The following NRXN1 variants were observed in gnomAD, a reference collection of about 807,000 sequenced individuals.
NRXN1 encodes the protein neurexin-1.
In NRXN1, 39 loss-of-function variants were observed where a neutral mutation model predicts 150.9. The observed-to-expected ratio is 0.26, with a 90% CI of 0.20 to 0.34. The LOEUF is 0.34. NRXN1 is among the 10% of genes least tolerant of loss of function. The probability of loss-of-function intolerance (pLI) is 1.00; values close to 1 mark genes in which losing one functional copy is unlikely to be tolerated. For synonymous variants in NRXN1, 924 were observed against 757.0 expected (o/e 1.22, Z -3.62); for missense variants, 1,815 against 1,949.9 (o/e 0.93, Z 1.30).
At chr2:50,262,342 C>G (rs562724868) in intron 17 of NRXN1, among the ~76,000 whole-genome samples, 228 of 151,876 alleles carry the variant, frequency 1.5e-3, no homozygotes, top group African/African-American at 5.3e-3. Context: ...ATCATATACC[C>G]TACATGGCTG....
intron 8 of NRXN1, among the ~76,000 whole-genome samples, chr2:50,574,539 T>C (rs774327638): frequency 2.0e-5 from 3 of 152,068 alleles, no homozygotes; most frequent in Admixed American, 6.6e-5. Flanking sequence ...GATGCATACA[T>C]AGAGGAAGTA....
intron 9 of NRXN1, among the ~76,000 whole-genome samples, chr2:50,540,438 A>T (rs1281194486): frequency 6.6e-6 from 1 of 152,176 alleles, no homozygotes; most frequent in East Asian, 1.9e-4. Context: ...TTTCAAATGG[A>T]ACGATCATTA....
chr2:50,265,612 A>T (rs2152917720), intron 17 of NRXN1, among the ~76,000 whole-genome samples: 1 of 152,320 alleles, frequency 6.6e-6, no homozygotes, highest in East Asian at 1.9e-4. Flanking sequence ...ATAGCAACGA[A>T]CAAAGAAGAA....
chr2:50,214,764 C>T (rs1022997889), intron 18 of NRXN1, among the ~76,000 whole-genome samples: 1 of 151,892 alleles, frequency 6.6e-6, no homozygotes, highest in African/African-American at 2.4e-5. Flanking sequence ...AAACTGCTTT[C>T]TTGTATGATT....
At chr2:50,440,677 G>C (rs1366569452) in intron 17 of NRXN1, among the ~76,000 whole-genome samples, 2 of 152,082 alleles carry the variant, frequency 1.3e-5, no homozygotes, top group East Asian at 3.9e-4. Context: ...TTGCATTGCT[G>C]CCTCTCTTTC....
chr2:50,659,680 C>A lies in NRXN1; in HGVS notation c.833-36065G>T, dbSNP rs1687010419. Among the ~76,000 whole-genome samples, 3 of 150,840 alleles carry A rather than the reference C, an allele frequency of 2.0e-5. No individual in the cohort carries two copies. In the South Asian group the frequency reaches 6.2e-4, roughly 31 times the overall value. On this transcript the variant is annotated intron_variant, in intron 5 of 22. Coordinates refer to ENST00000401669, the MANE Select transcript of NRXN1 (RefSeq NM_001330078.2). ...TTGAATATTCATTTATATTTTTCTG[C>A]AAAAATTAGTTGTTCATTCTTTAAT... is the stretch of plus-strand genomic sequence containing the variant.
intron 8 of NRXN1, among the ~76,000 whole-genome samples, chr2:50,574,232 C>T (rs1671070272): frequency 6.6e-6 from 1 of 152,022 alleles, no homozygotes; most frequent in African/African-American, 2.4e-5. Context: ...CCCCAAATGC[C>T]ATCTAACCAA....
rs140823037 is a variant in NRXN1 at position 50,240,445 on chromosome 2, T to G, written c.3365-3475A>C. Reference sequence around the variant, plus strand: ...CTGGATTTTTTTTAAAAAATTAACTTTGCATCAAACTTTACAAAATCTCCT... The same window carrying G: ...CTGGATTTTTTTTAAAAAATTAACTGTGCATCAAACTTTACAAAATCTCCT... On this transcript the variant is annotated intron_variant, in intron 17 of 22. Coordinates refer to ENST00000401669, the MANE Select transcript of NRXN1 (RefSeq NM_001330078.2). 2.6e-3 allele frequency among the ~76,000 whole-genome samples: 393 copies of G among 151,846 alleles called. 1 individual carries two copies. The highest frequency in any genetic ancestry group is 9.3e-3 in the African/African-American group (386 of 41,538).
At chr2:50,727,867 A>C (rs1697584173) in intron 5 of NRXN1, among the ~76,000 whole-genome samples, 1 of 152,110 alleles carries the variant, frequency 6.6e-6, no homozygotes. Flanking sequence ...AGTTGGGCTG[A>C]AATCCTCATC....
At chr2:50,212,381 T>G (rs2152845345) in intron 18 of NRXN1, among the ~76,000 whole-genome samples, 1 of 151,584 alleles carries the variant, frequency 6.6e-6, no homozygotes, top group South Asian at 2.1e-4. Flanking sequence ...TAAGTTAGCA[T>G]TCCCTCTTCA....
At chr2:50,106,055 C>T (rs140596125) in intron 18 of NRXN1, among the ~76,000 whole-genome samples, 1 of 151,874 alleles carries the variant, frequency 6.6e-6, no homozygotes, top group East Asian at 1.9e-4. Context: ...GTTTCTCTAC[C>T]ATTTAACCCC....
In NRXN1 at chr2:51,027,483, G is replaced by T; in HGVS notation, c.772+19C>A. The T allele has an allele frequency of 6.7e-7, 1 of 1,497,184 alleles. No individual in the cohort carries two copies. Among genetic ancestry groups the T allele is most frequent in the Non-Finnish European group, 8.9e-7 (1 of 1,127,164 alleles). 92.7% of individuals were successfully genotyped at this position (1,497,184 alleles called of 1,614,324 possible). A position where few individuals can be genotyped will look rare whatever the true frequency, so the allele number is the denominator to read the frequency against. On this transcript the variant is annotated intron_variant, in intron 2 of 22. Transcript: ENST00000401669. ...CCCGCCCAGGCCCCGGCCCCCGTGG[G>T]TCGGGCGTCGGGCCTTACCTTGGCT...
intron 17 of NRXN1, among the ~76,000 whole-genome samples, chr2:50,304,133 A>G (rs886291948): frequency 2.0e-5 from 3 of 152,172 alleles, no homozygotes; most frequent in Non-Finnish European, 4.4e-5. Flanking sequence ...GGCTAGTTAC[A>G]CTCATCATAA....
intron 18 of NRXN1, among the ~76,000 whole-genome samples, chr2:50,100,685 T>C (rs1009129121): frequency 6.6e-6 from 1 of 152,050 alleles, no homozygotes; most frequent in Non-Finnish European, 1.5e-5. Flanking sequence ...TTTGCAGATA[T>C]CACGATAGCT....
intron 17 of NRXN1, among the ~76,000 whole-genome samples, chr2:50,348,419 AT>A (rs2078198966): frequency 6.6e-6 from 1 of 152,176 alleles, no homozygotes; most frequent in Non-Finnish European, 1.5e-5. Flanking sequence ...AATGGCATGA[AT>A]AAAATTGCTT....
At chr2:50,343,628 A>T (rs1343343471) in intron 17 of NRXN1, among the ~76,000 whole-genome samples, 1 of 152,198 alleles carries the variant, frequency 6.6e-6, no homozygotes, top group East Asian at 1.9e-4. Flanking sequence ...TTGCACAAAG[A>T]TACTCGGGTA....
At chr2:50,135,911 T>C (rs1242239333) in intron 18 of NRXN1, among the ~76,000 whole-genome samples, 1 of 152,178 alleles carries the variant, frequency 6.6e-6, no homozygotes, top group Non-Finnish European at 1.5e-5. Context: ...ATGTAAAGCC[T>C]ATATTTAATC....
chr2:50,943,278 AC>A (rs1216224996), intron 2 of NRXN1, among the ~76,000 whole-genome samples: 1 of 152,104 alleles, frequency 6.6e-6, no homozygotes, highest in East Asian at 1.9e-4. Flanking sequence ...ATAAACTAAT[AC>A]GCGGACTTCA....
At chr2:50,258,152 A>G (rs1304209896) in intron 17 of NRXN1, among the ~76,000 whole-genome samples, 2 of 152,030 alleles carry the variant, frequency 1.3e-5, no homozygotes, top group Non-Finnish European at 2.9e-5. Flanking sequence ...TCTTAAAACA[A>G]GACAACAGTG....
Sources: allele counts gnomAD v4.1 joint callset (sites outside exome capture counted in the v4.1 genomes callset), GRCh38; gene constraint gnomAD v4.1.1; transcripts MANE v1.5; gene names NCBI Gene and HGNC (gene_info 2026-07-23, HGNC 2026-07-21).